Variants in STAG1 observed in about 807,000 individuals in gnomAD.
The protein encoded by STAG1 is STAG1 cohesin complex component, also known as cohesin subunit SA-1.
Under a neutral mutation model 170.9 loss-of-function variants are expected in STAG1, and 26 were observed. The observed-to-expected ratio is 0.15, with a 90% CI of 0.11 to 0.21. The LOEUF (loss-of-function observed/expected upper bound fraction) is 0.21. STAG1 is among the 10% of genes least tolerant of loss of function. The pLI is 1.00. For synonymous variants in STAG1, 514 were observed against 497.7 expected (o/e 1.03, Z -0.44); for missense variants, 964 against 1,509.5 (o/e 0.64, Z 5.99).
intron 3 of STAG1, among the ~76,000 whole-genome samples, chr3:136,616,831 C>T (rs550083375): frequency 6.6e-6 from 1 of 152,262 alleles, no homozygotes; most frequent in African/African-American, 2.4e-5. Context: ...GAAATCGAAT[C>T]TGTGGTGAGC....
At chr3:136,340,640 A>C (rs1235178777) in intron 31 of STAG1, 35 bp from the exon 32 acceptor site, 2 of 1,373,146 alleles carry the variant, frequency 1.5e-6, no homozygotes, top group Non-Finnish European at 2.1e-6. Flanking sequence ...AAAGCTCATC[A>C]GACTCCACCA....
intron 6 of STAG1, among the ~76,000 whole-genome samples, chr3:136,537,098 C>T (rs1935670512): frequency 6.6e-6 from 1 of 152,068 alleles, no homozygotes; most frequent in African/African-American, 2.4e-5. Context: ...ATTCATTTGT[C>T]TTTTGGCACT....
At chr3:136,734,495 G>C (rs532039648) in intron 1 of STAG1, among the ~76,000 whole-genome samples, 1 of 152,118 alleles carries the variant, frequency 6.6e-6, no homozygotes, top group Non-Finnish European at 1.5e-5. Flanking sequence ...ATGTTATCTT[G>C]ATTAGAAAAT....
rs200338730 is a variant in STAG1, at chr3:136,396,661, G to C, written c.2277+2088C>G. On this transcript the variant is annotated intron_variant, in intron 22 of 33. Coordinates refer to ENST00000383202, the MANE Select transcript of STAG1 (RefSeq NM_005862.3). ...TTCTGCCTCAGCCTCCCAAGCAGCT[G>C]GGACTACAGGCGCCTGCCACCACAC... Among the ~76,000 whole-genome samples, 8 of 149,232 alleles carry C rather than the reference G, an allele frequency of 5.4e-5. No individual in the cohort carries two copies. The East Asian group carries it at 1.4e-3, about 26-fold the overall frequency.
chr3:136,627,064 C>T (rs762933330), intron 2 of STAG1, among the ~76,000 whole-genome samples: 75 of 152,268 alleles, frequency 4.9e-4, no homozygotes, highest in Non-Finnish European at 3.2e-4. Flanking sequence ...GTGAAACTAA[C>T]CTATTCTTCA....
chr3:136,396,288 G>A (rs1194144598), intron 22 of STAG1, among the ~76,000 whole-genome samples: 1 of 135,994 alleles, frequency 7.4e-6, no homozygotes, highest in East Asian at 2.3e-4. Flanking sequence ...CGATCTCTCC[G>A]CTCACTTCAA....
chr3:136,633,723 G>T (rs1433834036), intron 1 of STAG1, among the ~76,000 whole-genome samples: 1 of 103,414 alleles, frequency 9.7e-6, no homozygotes, highest in Non-Finnish European at 2.0e-5. Context: ...GGGGGGGGGG[G>T]GTCAGGGGCA....
rs376966461 is a variant in STAG1 at position 136,644,998 on chromosome 3, G to A, written c.-83-14017C>T. 1.2e-4 allele frequency among the ~76,000 whole-genome samples: 19 copies of A among 152,204 alleles called. 1 individual carries two copies. The South Asian group carries it at 3.7e-3, about 30-fold the overall frequency. On this transcript the variant is annotated intron_variant, in intron 1 of 33. Transcript: ENST00000383202. The stretch of plus-strand genomic sequence containing the variant: ...TCCTACCTCGATCTCCCGAAGTGCT[G>A]GGATTACAGGTGTGAATCACCATGC...
intron 5 of STAG1, among the ~76,000 whole-genome samples, chr3:136,554,224 GAGAC>G (rs1258127137): frequency 4.6e-5 from 7 of 152,100 alleles, no homozygotes; most frequent in African/African-American, 9.7e-5. Flanking sequence ...AGTGGAGAGA[GAGAC>G]AGACACAAGA....
rs554338920 is a variant in STAG1 at position 136,540,822 on chromosome 3, CAAAAAAAAAAAAA to C, written c.471+1284_471+1296del. On this transcript the variant is annotated intron_variant, in intron 6 of 33. Coordinates refer to ENST00000383202, the MANE Select transcript of STAG1 (RefSeq NM_005862.3). Reference sequence around the variant, plus strand: ...GGGCGACAGAGTGAAACTGTGTCTCCAAAAAAAAAAAAAAAAAAAAAAAAAAAAAACCTATATA... The same window carrying C: ...GGGCGACAGAGTGAAACTGTGTCTCCAAAAAAAAAAAAAAAAACCTATATA... 2.6e-3 allele frequency among the ~76,000 whole-genome samples: 120 copies of C among 46,326 alleles called. 2 individuals carry two copies. Among genetic ancestry groups the C allele is most frequent in the Admixed American group, 9.1e-3 (22 of 2,422 alleles). The allele number at this position is 46,326 out of a possible 152,430, so 30.4% of individuals were successfully genotyped here. A position where few individuals can be genotyped will look rare whatever the true frequency, so the allele number is the denominator to read the frequency against.
intron 14 of STAG1, among the ~76,000 whole-genome samples, chr3:136,445,024 C>CT (rs368181116): frequency 0.2 from 26,685 of 134,096 alleles, 2,947 homozygotes; most frequent in Non-Finnish European, 0.25. Flanking sequence ...CCCCGCCTGG[C>CT]TTTTTTTTTT....
chr3:136,489,334 T>C (rs1195682892), intron 9 of STAG1, among the ~76,000 whole-genome samples: 1 of 152,228 alleles, frequency 6.6e-6, no homozygotes, highest in Non-Finnish European at 1.5e-5. Flanking sequence ...AGTTTAATTA[T>C]TTTCTGCTTA....
rs557874255 is a variant in STAG1, at chr3:136,750,033, G to A, written c.-84+2162C>T. 1.5e-3 allele frequency among the ~76,000 whole-genome samples: 230 copies of A among 152,030 alleles called. 3 individuals are homozygous for A. The highest frequency in any genetic ancestry group is 3.4e-3 in the Middle Eastern group (1 of 294). On this transcript the variant is annotated intron_variant, in intron 1 of 33. Transcript: ENST00000383202. The stretch of plus-strand genomic sequence containing the variant: ...CCAGAGTACATTATTTCTTCTCACA[G>A]CACTGAGATTATGAACATACACAGA...
intron 3 of STAG1, chr3:136,609,442 T>C (rs1398503018): frequency 6.7e-6 from 1 of 150,138 alleles, no homozygotes; most frequent in African/African-American, 2.4e-5. Context: ...CACACACATA[T>C]ATACATGTAA....
At chr3:136,499,992 T>A (rs1177097894) in intron 9 of STAG1, 2 of 396,980 alleles carry the variant, frequency 5.0e-6, no homozygotes, top group Non-Finnish European at 9.2e-6. Context: ...TCCAAGTACA[T>A]AAGCTACTTC....
At chr3:136,394,376 TGA>T (rs2087092836) in intron 22 of STAG1, among the ~76,000 whole-genome samples, 1 of 152,184 alleles carries the variant, frequency 6.6e-6, no homozygotes, top group African/African-American at 2.4e-5. Context: ...AGAAATAACT[TGA>T]GAGACAAATA....
At chr3:136,418,627 T>C (rs1221884703) in intron 20 of STAG1, among the ~76,000 whole-genome samples, 1 of 151,606 alleles carries the variant, frequency 6.6e-6, no homozygotes, top group African/African-American at 2.4e-5. Flanking sequence ...AAAATCCCTT[T>C]ATTGTATATA....
rs139280201 is a variant in STAG1, at chr3:136,636,209, T to C, written c.-83-5228A>G. Among the ~76,000 whole-genome samples, 218 of 151,704 alleles carry C rather than the reference T, an allele frequency of 1.4e-3. 2 individuals are homozygous for C. Among genetic ancestry groups the C allele is most frequent in the African/African-American group, 5.2e-3 (214 of 41,366 alleles). ...ATTGCAGTGAGCCGAGACCACGCCA[T>C]TGCACTCCAGCCTGGGCACCAAGAA... On this transcript the variant is annotated intron_variant, in intron 1 of 33. Transcript: ENST00000383202.
At chr3:136,694,291 G>T (rs918181661) in intron 1 of STAG1, among the ~76,000 whole-genome samples, 2 of 152,052 alleles carry the variant, frequency 1.3e-5, no homozygotes, top group African/African-American at 4.8e-5. Flanking sequence ...TGTTGGGCTG[G>T]TCTCCCACAG....
Sources: gnomAD v4.1 joint callset for allele counts (sites outside exome capture counted in the v4.1 genomes callset) on GRCh38, gnomAD v4.1.1 for gene constraint, MANE v1.5 for transcripts, NCBI Gene and HGNC (gene_info 2026-07-23, HGNC 2026-07-21) for gene names.